MIR2052HG: variants seen among roughly 807,000 people sequenced by gnomAD.
The protein encoded by MIR2052HG is MIR2052 host gene.
intron 2 of MIR2052HG, among the ~76,000 whole-genome samples, chr8:74,685,340 A>G (rs1809169349): frequency 6.6e-6 from 1 of 152,110 alleles, no homozygotes; most frequent in Non-Finnish European, 1.5e-5. Context: ...TTCATTTGAG[A>G]AAACCATTTG....
rs1781684582 is a variant in MIR2052HG at position 74,712,859 on chromosome 8, G to T, written n.371+9177G>T. On this transcript the variant is annotated intron_variant and non_coding_transcript_variant, in intron 4 of 6. Transcript: ENST00000523442. ...TAGTTACTAAGTTTGGGGCAGTAGG[G>T]ATGTAGAAATAAAAAAGACCTTGTT... 6.6e-5 allele frequency among the ~76,000 whole-genome samples: 10 copies of T among 152,160 alleles called. No homozygotes were observed. The South Asian group carries it at 2.1e-3, about 32-fold the overall frequency.
chr8:74,603,590 A>G lies in MIR2052HG; in HGVS notation n.128+3682A>G, dbSNP rs1808057837. 1.9e-6 allele frequency: 3 copies of G among 1,546,628 alleles called. No homozygotes were observed. The Admixed American group carries it at 5.0e-5, about 26-fold the overall frequency. ...TTGCCATGCGTCATGGGAAAATGAG[A>G]CTGTTGCATTGCCAACTGGTGCAGC... On this transcript the variant is annotated intron_variant and non_coding_transcript_variant, in intron 1 of 6. Coordinates refer to ENST00000523442, the Ensembl canonical transcript of MIR2052HG.
chr8:74,732,310 G>T (rs189178598), intron 4 of MIR2052HG, among the ~76,000 whole-genome samples: 1 of 152,214 alleles, frequency 6.6e-6, no homozygotes, highest in Non-Finnish European at 1.5e-5. Flanking sequence ...TTTATAGAAA[G>T]AATTTGAACA....
intron 1 of MIR2052HG, chr8:74,604,051 G>A (rs1808069645): frequency 2.1e-6 from 2 of 958,144 alleles, no homozygotes; most frequent in Non-Finnish European, 3.4e-6. Flanking sequence ...GACGGCATTA[G>A]CAGGTCCAGC....
At chr8:74,698,271 T>C (rs1383930073) in intron 2 of MIR2052HG, among the ~76,000 whole-genome samples, 1 of 152,130 alleles carries the variant, frequency 6.6e-6, no homozygotes, top group African/African-American at 2.4e-5. Flanking sequence ...ACAGCTTATT[T>C]AACAAATGGT....
At chr8:74,687,624 T>C (rs2128739621) in intron 2 of MIR2052HG, among the ~76,000 whole-genome samples, 1 of 152,186 alleles carries the variant, frequency 6.6e-6, no homozygotes, top group Admixed American at 6.5e-5. Context: ...ATGAGATATC[T>C]ATAATAGTAA....
chr8:74,609,752 A>G (rs1808165849), intron 1 of MIR2052HG: 1 of 149,302 alleles, frequency 6.7e-6, no homozygotes, highest in South Asian at 2.1e-4. Flanking sequence ...TAATAATAAT[A>G]AATAATACTT....
chr8:74,727,357 A>T (rs947096090), intron 4 of MIR2052HG, among the ~76,000 whole-genome samples: 1 of 152,208 alleles, frequency 6.6e-6, no homozygotes, highest in Non-Finnish European at 1.5e-5. Flanking sequence ...ATCCCTTATT[A>T]CACCTATTCC....
At chr8:74,741,402 A>G (rs1334579110) in intron 4 of MIR2052HG, among the ~76,000 whole-genome samples, 1 of 152,200 alleles carries the variant, frequency 6.6e-6, no homozygotes, top group African/African-American at 2.4e-5. Context: ...AGCACTAGCT[A>G]AAAAAGGTTT....
intron 1 of MIR2052HG, chr8:74,603,998 T>C: frequency 1.0e-6 from 1 of 980,074 alleles, no homozygotes; most frequent in Non-Finnish European, 1.7e-6. Flanking sequence ...GAGCTGCTTA[T>C]GTCCTCTTCC....
chr8:74,647,498 C>G (rs1165498606), intron 2 of MIR2052HG, among the ~76,000 whole-genome samples: 1 of 152,122 alleles, frequency 6.6e-6, no homozygotes, highest in Admixed American at 6.5e-5. Context: ...CTGTAAGTTT[C>G]TGGAAAACAT....
intron 2 of MIR2052HG, among the ~76,000 whole-genome samples, chr8:74,635,627 T>C (rs1007644089): frequency 3.9e-5 from 6 of 152,220 alleles, no homozygotes; most frequent in African/African-American, 1.4e-4. Context: ...CTTTATTTAA[T>C]AGGCAATGAA....
Position 74,747,713 on chromosome 8 carries a change from A to G in MIR2052HG, n.372-4728A>G, listed in dbSNP as rs1586930772. 1.3e-5 allele frequency among the ~76,000 whole-genome samples: 2 copies of G among 152,304 alleles called. 1 individual carries two copies. Among genetic ancestry groups the G allele is most frequent in the Middle Eastern group, 6.8e-3 (2 of 294 alleles). On this transcript the variant is annotated intron_variant and non_coding_transcript_variant, in intron 4 of 6. Coordinates refer to ENST00000523442, the Ensembl canonical transcript of MIR2052HG. ...CTACCTAAAGTATGTTTCACCAAGA[A>G]GGTAGATTTTGATTACATTTTACTT...
intron 2 of MIR2052HG, among the ~76,000 whole-genome samples, chr8:74,699,569 A>T (rs1809337615): frequency 6.6e-6 from 1 of 152,028 alleles, no homozygotes; most frequent in African/African-American, 2.4e-5. Flanking sequence ...CCTCACTCAC[A>T]AGTGGGAGCT....
chr8:74,653,174 G>A (rs1808770872), intron 2 of MIR2052HG, among the ~76,000 whole-genome samples: 1 of 152,038 alleles, frequency 6.6e-6, no homozygotes, highest in African/African-American at 2.4e-5. Context: ...TTTTATAAGT[G>A]GCAAAGTTTT....
intron 4 of MIR2052HG, among the ~76,000 whole-genome samples, chr8:74,739,684 T>G (rs971206232): frequency 6.6e-6 from 1 of 152,180 alleles, no homozygotes; most frequent in Non-Finnish European, 1.5e-5. Context: ...ATAGAAGGAA[T>G]ACATATGTGG....
intron 4 of MIR2052HG, among the ~76,000 whole-genome samples, chr8:74,718,915 G>A (rs768351210): frequency 3.9e-5 from 6 of 152,182 alleles, no homozygotes; most frequent in South Asian, 4.1e-4. Context: ...GAATTTTAAC[G>A]TATTAATTTT....
chr8:74,740,996 A>G (rs777246467), intron 4 of MIR2052HG, among the ~76,000 whole-genome samples: 1 of 152,222 alleles, frequency 6.6e-6, no homozygotes, highest in Non-Finnish European at 1.5e-5. Context: ...AGCAAATACT[A>G]AATCATTGCT....
chr8:74,608,268 G>T (rs997161731), intron 1 of MIR2052HG, among the ~76,000 whole-genome samples: 5 of 152,046 alleles, frequency 3.3e-5, no homozygotes, highest in African/African-American at 7.3e-5. Flanking sequence ...GATGTAAAAG[G>T]TTATAATTGC....
Sources: allele counts gnomAD v4.1 joint callset (sites outside exome capture counted in the v4.1 genomes callset), GRCh38; gene constraint gnomAD v4.1.1; transcripts MANE v1.5; gene names NCBI Gene and HGNC (gene_info 2026-07-23, HGNC 2026-07-21).